The following PLPPR1 variants were observed in gnomAD, a reference collection of about 807,000 sequenced individuals.
The protein encoded by PLPPR1 is phospholipid phosphatase-related protein type 1.
In PLPPR1, 10 loss-of-function variants were observed where a neutral mutation model predicts 33.1. The observed-to-expected ratio is 0.30, with a 90% CI of 0.19 to 0.51. The LOEUF (loss-of-function observed/expected upper bound fraction) is 0.51. PLPPR1 is among the 20% of genes least tolerant of loss of function. PLPPR1 has a pLI of 0.97. For synonymous variants in PLPPR1, 151 were observed against 151.0 expected (o/e 1.00, Z 0.00); for missense variants, 304 against 408.1 (o/e 0.74, Z 2.20).
intron 1 of PLPPR1, among the ~76,000 whole-genome samples, chr9:101,040,222 A>T (rs1830060173): frequency 6.6e-6 from 1 of 152,176 alleles, no homozygotes; most frequent in African/African-American, 2.4e-5. Flanking sequence ...TATCACTATT[A>T]GTTAAATATG....
intron 4 of PLPPR1, among the ~76,000 whole-genome samples, chr9:101,296,185 A>C (rs1338287603): frequency 1.3e-5 from 2 of 151,854 alleles, no homozygotes; most frequent in East Asian, 3.9e-4. Flanking sequence ...GCAGCCAAAA[A>C]ACACATGAAA....
intron 2 of PLPPR1, among the ~76,000 whole-genome samples, chr9:101,190,586 TG>T (rs2118727119): frequency 6.6e-6 from 1 of 152,102 alleles, no homozygotes; most frequent in Admixed American, 6.6e-5. Context: ...TGGCAGTTGG[TG>T]GGGAGAACAG....
intron 1 of PLPPR1, among the ~76,000 whole-genome samples, chr9:101,063,272 G>A (rs1452088198): frequency 1.3e-5 from 2 of 151,938 alleles, no homozygotes; most frequent in African/African-American, 4.8e-5. Flanking sequence ...AGAAATGATG[G>A]GGGCTGCCCC....
chr9:101,176,111 T>C (rs914922974), intron 1 of PLPPR1, among the ~76,000 whole-genome samples: 13 of 152,174 alleles, frequency 8.5e-5, no homozygotes, highest in African/African-American at 3.1e-4. Context: ...AGCCTGCTTG[T>C]TCTAGCCAAA....
intron 3 of PLPPR1, among the ~76,000 whole-genome samples, chr9:101,273,079 T>C (rs1433362241): frequency 6.6e-6 from 1 of 152,180 alleles, no homozygotes; most frequent in Non-Finnish European, 1.5e-5. Flanking sequence ...TGATGGAACA[T>C]GTTTGTAATT....
At chr9:101,092,513 A>G (rs927451184) in intron 1 of PLPPR1, among the ~76,000 whole-genome samples, 17 of 152,180 alleles carry the variant, frequency 1.1e-4, no homozygotes, top group Non-Finnish European at 2.9e-5. Flanking sequence ...ATGGGTGCCC[A>G]GTCCAGCCTT....
At chr9:101,259,897 G>A (rs995282795) in intron 2 of PLPPR1, among the ~76,000 whole-genome samples, 1 of 152,096 alleles carries the variant, frequency 6.6e-6, no homozygotes, top group African/African-American at 2.4e-5. Flanking sequence ...TCAGCAGGGG[G>A]ATGACTTTGA....
At chr9:101,172,765 G>T (rs896506498) in intron 1 of PLPPR1, among the ~76,000 whole-genome samples, 2 of 152,014 alleles carry the variant, frequency 1.3e-5, no homozygotes, top group Non-Finnish European at 2.9e-5. Flanking sequence ...CCAACTCAGG[G>T]TGATCGCTGG....
chr9:101,306,099 T>A (rs962101349), intron 4 of PLPPR1, among the ~76,000 whole-genome samples: 1 of 151,656 alleles, frequency 6.6e-6, no homozygotes, highest in Non-Finnish European at 1.5e-5. Flanking sequence ...CAGACACCAA[T>A]TTTTTTTGTC....
intron 2 of PLPPR1, among the ~76,000 whole-genome samples, chr9:101,240,820 A>G (rs1174359244): frequency 6.6e-6 from 1 of 152,066 alleles, no homozygotes; most frequent in Non-Finnish European, 1.5e-5. Flanking sequence ...TTGTCATTCC[A>G]TTGAGTGCCC....
intron 3 of PLPPR1, among the ~76,000 whole-genome samples, chr9:101,281,125 A>C (rs994323439): frequency 1.3e-5 from 2 of 152,172 alleles, no homozygotes; most frequent in Non-Finnish European, 2.9e-5. Flanking sequence ...TCTATATGCC[A>C]ACAATGAACA....
intron 2 of PLPPR1, among the ~76,000 whole-genome samples, chr9:101,207,880 A>G (rs1826619224): frequency 6.6e-6 from 1 of 152,212 alleles, no homozygotes. Context: ...AAGGACTTCC[A>G]AGAGCCTAAG....
intron 1 of PLPPR1, among the ~76,000 whole-genome samples, chr9:101,106,031 G>T (rs1157185271): frequency 6.6e-6 from 1 of 150,838 alleles, no homozygotes; most frequent in Admixed American, 6.6e-5. Context: ...TTTATTTTGA[G>T]CCTATGTGTG....
intron 4 of PLPPR1, among the ~76,000 whole-genome samples, chr9:101,293,630 G>C (rs1564029266): frequency 6.6e-6 from 1 of 152,050 alleles, no homozygotes; most frequent in African/African-American, 2.4e-5. Context: ...AATCAAACTA[G>C]AACTCAGGAT....
intron 2 of PLPPR1, among the ~76,000 whole-genome samples, chr9:101,231,405 G>A (rs1175573843): frequency 6.6e-6 from 1 of 151,132 alleles, no homozygotes; most frequent in Non-Finnish European, 1.5e-5. Context: ...CCCCCAAGCA[G>A]GTTAAGCCAT....
rs1826191155 is a variant in PLPPR1, at chr9:101,185,623, T to A, written c.63+66T>A. ...AAGTAACAGTTTTTATTCTGATAAC[T>A]TAGATTATTTTATAAAATTAATTTT... On this transcript the variant is annotated intron_variant, in intron 2 of 7. Coordinates refer to ENST00000374874, the MANE Select transcript of PLPPR1 (RefSeq NM_207299.2). The A allele has an allele frequency of 8.6e-6, 8 of 935,330 alleles. No individual in the cohort carries two copies. The East Asian group carries it at 1.9e-4, about 22-fold the overall frequency. 57.9% of individuals were successfully genotyped at this position (935,330 alleles called of 1,614,324 possible).
In PLPPR1 at chr9:101,057,872, G is replaced by A. The variant is rs77408324; in HGVS notation, c.-46+28770G>A. Among the ~76,000 whole-genome samples the A allele has an allele frequency of 7.2e-5, 11 of 152,260 alleles. No individual in the cohort carries two copies. The East Asian group carries it at 2.1e-3, about 29-fold the overall frequency. On this transcript the variant is annotated intron_variant, in intron 1 of 7. Coordinates refer to ENST00000374874, the MANE Select transcript of PLPPR1 (RefSeq NM_207299.2). ...AAGCACATTTGTGTACACCTGAGAA[G>A]ACAATGGGCTAGACAGGCTGTTAGT...
chr9:101,155,495 G>C lies in PLPPR1; in HGVS notation c.-45-29955G>C, dbSNP rs987381598. 2.0e-5 allele frequency among the ~76,000 whole-genome samples: 3 copies of C among 152,134 alleles called. 1 individual carries two copies. Among genetic ancestry groups the C allele is most frequent in the African/African-American group, 7.2e-5 (3 of 41,442 alleles). ...CCAGGAACCCGCACCCGTGACAACAGCATTAATCCATTCACAAGGGCAGAG... is the reference window on the plus strand; with the variant it reads ...CCAGGAACCCGCACCCGTGACAACACCATTAATCCATTCACAAGGGCAGAG... On this transcript the variant is annotated intron_variant, in intron 1 of 7. Transcript: ENST00000374874.
chr9:101,142,581 G>T (rs1362015643), intron 1 of PLPPR1, among the ~76,000 whole-genome samples: 4 of 152,182 alleles, frequency 2.6e-5, no homozygotes, highest in African/African-American at 9.7e-5. Context: ...GCTTCAGCTA[G>T]TTCTTCTACA....
Sources: allele counts gnomAD v4.1 joint callset (sites outside exome capture counted in the v4.1 genomes callset), GRCh38; gene constraint gnomAD v4.1.1; transcripts MANE v1.5; gene names NCBI Gene and HGNC (gene_info 2026-07-23, HGNC 2026-07-21).